Variants in ARFGEF1 observed in about 807,000 individuals in gnomAD.
ARFGEF1 encodes the protein brefeldin A-inhibited guanine nucleotide-exchange protein 1.
In ARFGEF1, 42 loss-of-function variants were observed where a neutral mutation model predicts 231.0. The observed-to-expected ratio is 0.18, with a 90% CI of 0.14 to 0.24. The LOEUF is 0.24. ARFGEF1 is among the 10% of genes least tolerant of loss of function. The pLI is 1.00. For missense variants in ARFGEF1, 1,345 were observed against 2,192.0 expected (o/e 0.61, Z 7.72); for synonymous variants, 710 against 732.3 (o/e 0.97, Z 0.49).
chr8:67,177,571 A>T, intron 5 of ARFGEF1: 1 of 694,388 alleles, frequency 1.4e-6, no homozygotes. Context: ...GTGATAGTTG[A>T]AAAGTAATTT....
At chr8:67,295,275 T>C (rs1806182238) in intron 5 of ARFGEF1, among the ~76,000 whole-genome samples, 1 of 152,158 alleles carries the variant, frequency 6.6e-6, no homozygotes. Flanking sequence ...AGAGAAACAG[T>C]ATTTGCACTG....
At chr8:67,301,123 AT>A (rs1296520059) in intron 3 of ARFGEF1, 100 bp downstream of exon 3, 2 of 1,166,404 alleles carry the variant, frequency 1.7e-6, no homozygotes, top group Non-Finnish European at 2.3e-6. Flanking sequence ...AAAAAAGAGT[AT>A]TCAAAGCTTT....
In ARFGEF1 at chr8:67,291,876, G is replaced by A. The variant is rs61758692; in HGVS notation, c.887C>T (p.Thr296Ile). 1.2e-4 allele frequency: 195 copies of A among 1,613,842 alleles called. No homozygotes were observed. In the African/African-American group the frequency reaches 2.3e-3, roughly 19 times the overall value. Residue 296 changes from threonine to isoleucine, a missense_variant, in exon 6 of 39, where the codon ACT becomes ATT. Physicochemically the swap from Thr to Ile is moderately conservative, Grantham distance 89. This residue lies in a region of ARFGEF1 where 398 missense variants were observed against 463.2 expected (regional missense o/e 0.86). Coordinates refer to ENST00000262215, the MANE Select transcript of ARFGEF1 (RefSeq NM_006421.5). Reference protein sequence around the residue: ...SDISSAENEQTEADQATAAET... With the variant: ...SDISSAENEQIEADQATAAET... ...AGCTGCAGTTGCCTGATCAGCTTCA[G>A]TCTGTTCATTTTCTGCACTGGAAAT...
chr8:67,217,141 C>T (rs1587061705), intron 32 of ARFGEF1, among the ~76,000 whole-genome samples: 1 of 151,864 alleles, frequency 6.6e-6, no homozygotes, highest in Non-Finnish European at 1.5e-5. Flanking sequence ...CCCATCTCAA[C>T]TAAAAATACA....
intron 23 of ARFGEF1, 44 bp from the exon 24 acceptor site, chr8:67,228,308 T>C: frequency 6.4e-7 from 1 of 1,553,836 alleles, no homozygotes; most frequent in Non-Finnish European, 8.8e-7. Flanking sequence ...TAAGTTACTG[T>C]TCTTATTCCA....
At chr8:67,175,212 C>A, downstream of ARFGEF1, 1 of 959,560 alleles carries the variant, frequency 1.0e-6, no homozygotes, top group Non-Finnish European at 1.6e-6. Flanking sequence ...AATTAGGTTA[C>A]TCATGTTACT....
rs1806469150 is a variant in ARFGEF1 at position 67,301,131 on chromosome 8, C to T, written c.312+93G>A. On this transcript the variant is annotated intron_variant, in intron 3 of 38. Coordinates refer to ENST00000262215, the MANE Select transcript of ARFGEF1 (RefSeq NM_006421.5). ...TTACCACAAAAAAGAGTATTCAAAG[C>T]TTTCATGGAAATGTCTGAATCATCA... 4.9e-6 allele frequency: 6 copies of T among 1,233,196 alleles called. No homozygotes were observed. In the African/African-American group the frequency reaches 7.6e-5, roughly 16 times the overall value. The allele number at this position is 1,233,196 out of a possible 1,614,324, so 76.4% of individuals were successfully genotyped here.
intron 3 of ARFGEF1, 145 bp downstream of exon 3, chr8:67,301,079 T>C: frequency 1.4e-6 from 1 of 736,218 alleles, no homozygotes; most frequent in Non-Finnish European, 2.1e-6. Context: ...ATTATCTGTC[T>C]TAAATATAAA....
chr8:67,339,335 T>C (rs1000645040), intron 1 of ARFGEF1, among the ~76,000 whole-genome samples: 59 of 151,854 alleles, frequency 3.9e-4, no homozygotes, highest in African/African-American at 1.4e-3. Flanking sequence ...TTCACTCTTA[T>C]TGTGTATCAG....
chr8:67,232,976 T>C, intron 22 of ARFGEF1, 31 bp from the exon 23 acceptor site: 1 of 1,525,566 alleles, frequency 6.6e-7, no homozygotes. Flanking sequence ...TCATTTCAGT[T>C]TGAAAATAAT....
In ARFGEF1 at chr8:67,343,195, G is replaced by T; in HGVS notation, c.93C>A (p.Ser31=). 1 of 1,613,018 alleles carries T rather than the reference G, an allele frequency of 6.2e-7. No individual in the cohort carries two copies. Among genetic ancestry groups the T allele is most frequent in the Non-Finnish European group, 8.5e-7 (1 of 1,179,458 alleles). The part of the protein sequence containing the change: ...ADKEVKKAHH[S]QLRKACEVAL... ...CCACCTCGCAAGCTTTGCGCAGCTG[G>T]GAGTGATGCGCCTTCTTCACTTCCT... The change falls in exon 1 of 39, where the codon TCC becomes TCA. Residue 31 remains serine, a synonymous_variant. Transcript: ENST00000262215.
intron 22 of ARFGEF1, among the ~76,000 whole-genome samples, chr8:67,235,775 C>T (rs1323031676): frequency 6.6e-6 from 1 of 152,048 alleles, no homozygotes; most frequent in African/African-American, 2.4e-5. Context: ...TGCACTCCAG[C>T]CTCAACAACA....
intron 25 of ARFGEF1, 128 bp from the exon 26 acceptor site, chr8:67,227,726 G>A: frequency 9.6e-7 from 1 of 1,038,912 alleles, no homozygotes; most frequent in Non-Finnish European, 1.4e-6. Flanking sequence ...TTCCATAAAG[G>A]CATTAAGTAT....
At chr8:67,233,463 T>C (rs949440844) in intron 22 of ARFGEF1, among the ~76,000 whole-genome samples, 2 of 152,032 alleles carry the variant, frequency 1.3e-5, no homozygotes, top group African/African-American at 4.8e-5. Context: ...AGAATAACAA[T>C]ATTCCCAGTC....
At chr8:67,190,827 TA>T in intron 5 of ARFGEF1, 8 of 1,125,858 alleles carry the variant, frequency 7.1e-6, no homozygotes, top group Non-Finnish European at 1.1e-5. Context: ...TGACCTGTGC[TA>T]AATCTGTGTG....
chr8:67,212,159 C>T (rs1179219600), intron 33 of ARFGEF1, among the ~76,000 whole-genome samples: 3 of 152,082 alleles, frequency 2.0e-5, no homozygotes, highest in African/African-American at 7.2e-5. Context: ...CTCGGCTCAC[C>T]GTGACCTCTA....
intron 1 of ARFGEF1, among the ~76,000 whole-genome samples, chr8:67,307,635 C>T (rs948989489): frequency 3.3e-5 from 5 of 152,104 alleles, no homozygotes; most frequent in Non-Finnish European, 5.9e-5. Context: ...AGTTAATGGT[C>T]ATGTTTCATT....
At chr8:67,223,383 A>G (rs1839267750) in intron 29 of ARFGEF1, among the ~76,000 whole-genome samples, 2 of 152,130 alleles carry the variant, frequency 1.3e-5, no homozygotes, top group East Asian at 1.9e-4. Flanking sequence ...CTTTTTGTTC[A>G]AAGAGATGGG....
intron 7 of ARFGEF1, among the ~76,000 whole-genome samples, chr8:67,280,807 GA>G (rs954388875): frequency 2.0e-5 from 3 of 152,028 alleles, no homozygotes; most frequent in Non-Finnish European, 4.4e-5. Flanking sequence ...ACAAGAAATA[GA>G]AAAAACATAT....
Sources: allele counts gnomAD v4.1 joint callset (sites outside exome capture counted in the v4.1 genomes callset), GRCh38; gene constraint gnomAD v4.1.1; regional missense constraint gnomAD v4.1.1; transcripts MANE v1.5; gene names NCBI Gene and HGNC (gene_info 2026-07-23, HGNC 2026-07-21).